Variants in MEGF10 observed in about 807,000 individuals in gnomAD.
The protein encoded by MEGF10 is multiple epidermal growth factor-like domains protein 10.
A neutral mutation model predicts 147.5 loss-of-function variants in MEGF10; 86 were observed. The ratio of observed to expected loss-of-function variants is 0.58; its 90% CI spans 0.49 to 0.70. The LOEUF (loss-of-function observed/expected upper bound fraction) is 0.70, where lower values mean the gene tolerates loss of function less well. Ranked by LOEUF, MEGF10 falls within the 30% of genes least tolerant of loss-of-function variation. The pLI is 0.00. For missense variants in MEGF10, 1,329 were observed against 1,487.3 expected, an observed-to-expected ratio of 0.89 and a Z score of 1.75; for synonymous variants, 478 against 525.5, an observed-to-expected ratio of 0.91 and a Z score of 1.24.
At chr5:127,246,765 T>A in the MEGF10 span, among the ~76,000 whole-genome samples, 16 of 140,824 alleles carry the variant, frequency 1.1e-4, no homozygotes, top group African/African-American at 3.6e-4. Flanking sequence ...CATAAAATAT[T>A]TATAAATTAT....
chr5:127,390,649 T>C (rs560523140), intron 5 of MEGF10, among the ~76,000 whole-genome samples: 5 of 152,224 alleles, frequency 3.3e-5, no homozygotes, highest in African/African-American at 1.2e-4. Context: ...GTTCATAAAA[T>C]CATCTTCTAT....
intron 16 of MEGF10, among the ~76,000 whole-genome samples, chr5:127,438,178 CTGTAAACT>C (rs556339262): frequency 1.3e-5 from 2 of 152,178 alleles, no homozygotes; most frequent in Non-Finnish European, 2.9e-5. Context: ...ATAACTGAAT[CTGTAAACT>C]TGAGGTGATT....
intron 9 of MEGF10, among the ~76,000 whole-genome samples, chr5:127,412,348 A>C (rs1169717452): frequency 1.3e-5 from 2 of 152,208 alleles, no homozygotes; most frequent in Non-Finnish European, 2.9e-5. Flanking sequence ...TAATCATTGG[A>C]GCCATCTATC....
the MEGF10 span, among the ~76,000 whole-genome samples, chr5:127,260,154 C>G: frequency 9.2e-5 from 14 of 151,516 alleles, no homozygotes; most frequent in Non-Finnish European, 2.1e-4. Flanking sequence ...GAGTCTCCAT[C>G]TCAAAAATAA....
rs189605418 is a variant in MEGF10 at position 127,435,220 on chromosome 5, G to A, written c.1976-141G>A. 4,508 of 999,138 alleles carry A rather than the reference G, an allele frequency of 4.5e-3. 15 individuals carry two copies. The highest frequency in any genetic ancestry group is 5.4e-3 in the Non-Finnish European group (3,770 of 696,558). 61.9% of individuals were successfully genotyped at this position (999,138 alleles called of 1,614,324 possible). On this transcript the variant is annotated intron_variant, in intron 15 of 24. Coordinates refer to ENST00000503335, the MANE Select transcript of MEGF10 (RefSeq NM_001256545.2). ...GATTTGTAAAAATGAGCCCATTCAA[G>A]ATGAAGGATGCTGTTGAGCAGAGAT...
chr5:127,384,085 C>G (rs1175571584), intron 5 of MEGF10, among the ~76,000 whole-genome samples: 1 of 152,214 alleles, frequency 6.6e-6, no homozygotes, highest in Admixed American at 6.5e-5. Context: ...CCCCTCCTTT[C>G]TCTCCACTGC....
intron 1 of MEGF10, among the ~76,000 whole-genome samples, chr5:127,314,258 C>G (rs1760426292): frequency 6.6e-6 from 1 of 152,146 alleles, no homozygotes; most frequent in Admixed American, 6.5e-5. Context: ...CTTTATAGAT[C>G]CTGGTATTGT....
In MEGF10 at chr5:127,410,485, A is replaced by C. The variant is rs1764513682; in HGVS notation, c.1014A>C (p.Ala338=). The change falls in exon 9 of 25, where the codon GCA becomes GCC. Residue 338 remains alanine, a synonymous_variant. Transcript: ENST00000503335. ...GGAAGTGTTACCACGTGAGCGGCGCATGCCTCTGTGAAGCAGGCTTTGCTG... is the reference window on the plus strand; with the variant it reads ...GGAAGTGTTACCACGTGAGCGGCGCCTGCCTCTGTGAAGCAGGCTTTGCTG... ...NGGKCYHVSG[A]CLCEAGFAGE... is the part of the protein sequence containing the mutation. The C allele has an allele frequency of 6.2e-7, 1 of 1,614,184 alleles. No homozygotes were observed. The highest frequency in any genetic ancestry group is 1.7e-5 in the Admixed American group (1 of 60,034).
chr5:127,423,454 G>T (rs1765098991), intron 13 of MEGF10, among the ~76,000 whole-genome samples: 1 of 152,152 alleles, frequency 6.6e-6, no homozygotes, highest in African/African-American at 2.4e-5. Flanking sequence ...CAAGTATCAT[G>T]AGCAAAAACA....
rs978911909 is a variant in MEGF10 at position 127,404,477 on chromosome 5, A to G, written c.917+1795A>G. ...CAGATGGATAGTTTGGAAATACTTT[A>G]TCTCATTCTGTGGGCTGGCTCTTCA... On this transcript the variant is annotated intron_variant, in intron 8 of 24. Coordinates refer to ENST00000503335, the MANE Select transcript of MEGF10 (RefSeq NM_001256545.2). 2.6e-5 allele frequency among the ~76,000 whole-genome samples: 4 copies of G among 152,078 alleles called. No homozygotes were observed. The South Asian group carries it at 6.2e-4, about 24-fold the overall frequency.
intron 5 of MEGF10, among the ~76,000 whole-genome samples, chr5:127,387,870 G>A (rs9327438): frequency 0.74 from 112,707 of 152,102 alleles, 42,364 homozygotes; most frequent in Middle Eastern, 0.86. Flanking sequence ...TCTCTGTTTC[G>A]TGTCGTTTGC....
the MEGF10 span, among the ~76,000 whole-genome samples, chr5:127,273,184 A>G: frequency 1.8e-4 from 27 of 152,216 alleles, no homozygotes; most frequent in East Asian, 5.8e-4. Context: ...CCCTGATGGC[A>G]TGGGCTCACA....
intron 5 of MEGF10, among the ~76,000 whole-genome samples, chr5:127,392,991 C>T (rs1763762594): frequency 6.6e-6 from 1 of 152,214 alleles, no homozygotes; most frequent in Non-Finnish European, 1.5e-5. Context: ...AAACCAGAGG[C>T]TGAAAATGAG....
In MEGF10 at chr5:127,445,677, A is replaced by G; in HGVS notation, c.2712A>G (p.Ala904=). 6.2e-7 allele frequency: 1 copy of G among 1,613,680 alleles called. No individual in the cohort carries two copies. Among genetic ancestry groups the G allele is most frequent in the Non-Finnish European group, 8.5e-7 (1 of 1,179,552 alleles). The change falls in exon 20 of 25, where the codon GCA becomes GCG. Residue 904 remains alanine (A), a synonymous_variant. Coordinates refer to ENST00000503335, the MANE Select transcript of MEGF10 (RefSeq NM_001256545.2). ...CCCCTGCTATGAGGGTCGTCAATGCAGATTATACCATTTCAGGTAAGAGCA... is the reference window on the plus strand; with the variant it reads ...CCCCTGCTATGAGGGTCGTCAATGCGGATTATACCATTTCAGGTAAGAGCA... The part of the protein sequence containing the change: ...TYTPAMRVVN[A]DYTISGTLPH...
intron 1 of MEGF10, among the ~76,000 whole-genome samples, chr5:127,321,676 A>G (rs1419944427): frequency 6.6e-6 from 1 of 152,112 alleles, no homozygotes; most frequent in Non-Finnish European, 1.5e-5. Context: ...TGACCCAAAG[A>G]TAGGAGAGCA....
At chr5:127,339,657 C>CAAAACT (rs1381052784) in intron 3 of MEGF10, among the ~76,000 whole-genome samples, 2 of 151,878 alleles carry the variant, frequency 1.3e-5, no homozygotes, top group Non-Finnish European at 2.9e-5. Flanking sequence ...AACACAGAAA[C>CAAAACT]AAAACTAAAA....
At chr5:127,394,007 G>A (rs6891785) in intron 5 of MEGF10, among the ~76,000 whole-genome samples, 25,229 of 152,034 alleles carry the variant, frequency 0.17, 2,222 homozygotes, top group African/African-American at 0.22. Flanking sequence ...TCTGTAAAGT[G>A]TATGTGCTTG....
At chr5:127,420,975 G>A (rs750005492) in intron 12 of MEGF10, among the ~76,000 whole-genome samples, 4 of 152,074 alleles carry the variant, frequency 2.6e-5, no homozygotes, top group Admixed American at 1.3e-4. Context: ...TGGGCCCCTC[G>A]AGAAGGGCCT....
intron 5 of MEGF10, among the ~76,000 whole-genome samples, chr5:127,393,805 T>C (rs1338231665): frequency 6.7e-6 from 1 of 150,002 alleles, no homozygotes; most frequent in African/African-American, 2.5e-5. Flanking sequence ...TAAGATATCT[T>C]CAAAGTTTTT....
Sources: allele counts gnomAD v4.1 joint callset (sites outside exome capture counted in the v4.1 genomes callset), GRCh38; gene constraint gnomAD v4.1.1; transcripts MANE v1.5; gene names NCBI Gene and HGNC (gene_info 2026-07-23, HGNC 2026-07-21).